The following PRMT8 variants were observed in gnomAD, a reference collection of about 807,000 sequenced individuals.
PRMT8 encodes the protein protein arginine N-methyltransferase 8.
Under a neutral mutation model 47.1 loss-of-function variants are expected in PRMT8, and 7 were observed. The ratio of observed to expected loss-of-function variants is 0.15; its 90% CI spans 0.08 to 0.28. PRMT8 has a LOEUF of 0.28. PRMT8 is among the 10% of genes least tolerant of loss of function. The pLI is 1.00. For synonymous variants in PRMT8, 188 were observed against 186.5 expected (o/e 1.01, Z -0.07); for missense variants, 237 against 505.4 (o/e 0.47, Z 5.09).
At chr12:3,488,511 T>A (rs984305569), upstream of PRMT8, among the ~76,000 whole-genome samples, 4 of 152,196 alleles carry the variant, frequency 2.6e-5, no homozygotes, top group African/African-American at 9.7e-5. Flanking sequence ...TTGCCTCCCA[T>A]GAAAATCTCC....
chr12:3,558,154 C>T (rs1866560396), intron 4 of PRMT8, among the ~76,000 whole-genome samples: 1 of 152,078 alleles, frequency 6.6e-6, no homozygotes, highest in Non-Finnish European at 1.5e-5. Context: ...CCTGAGGCAT[C>T]TCTGTCCTGC....
At chr12:3,421,143 T>G (rs1317193988) in intron 1 of PRMT8, among the ~76,000 whole-genome samples, 1 of 152,190 alleles carries the variant, frequency 6.6e-6, no homozygotes, top group Non-Finnish European at 1.5e-5. Context: ...AACATAATTG[T>G]TTTTTTAAAA....
rs548615854 is a variant in PRMT8, at chr12:3,580,865, T to C, written c.829-2193T>C. 5.3e-5 allele frequency among the ~76,000 whole-genome samples: 8 copies of C among 152,310 alleles called. No homozygotes were observed. Among genetic ancestry groups the C allele is most frequent in the African/African-American group, 1.7e-4 (7 of 41,580 alleles). ...AACAACAATACAGGCAACCAAGGCT[T>C]GTCCGAAGAGTTTTTGAGCTGGAGG... is the stretch of plus-strand genomic sequence containing the variant. On this transcript the variant is annotated intron_variant, in intron 7 of 9. Coordinates refer to ENST00000382622, the MANE Select transcript of PRMT8 (RefSeq NM_019854.5). This position sits in a 1 kb window ranked among gnomAD's most constrained non-coding sequence, Gnocchi z 4.6.
rs1346036158 is a variant in PRMT8, at chr12:3,447,475, A to G, written c.48+66033A>G. Among the ~76,000 whole-genome samples, 6 of 152,020 alleles carry G rather than the reference A, an allele frequency of 3.9e-5. No homozygotes were observed. In the East Asian group the frequency reaches 1.2e-3, roughly 29 times the overall value. On this transcript the variant is annotated intron_variant, in intron 1 of 9. Coordinates refer to the PRMT8 transcript ENST00000452611. ...TTTGCTTATGCTGTTCCCACAGCTG[A>G]GGCGCCCCCCTCTCCCGCAGTGCCT...
At chr12:3,433,418 T>C (rs896859826) in intron 1 of PRMT8, among the ~76,000 whole-genome samples, 2 of 152,214 alleles carry the variant, frequency 1.3e-5, no homozygotes, top group African/African-American at 4.8e-5. Flanking sequence ...TTCAGATACA[T>C]ACATTCAAAA....
upstream of PRMT8, among the ~76,000 whole-genome samples, chr12:3,490,712 A>AGAGAGAGG (rs1565420850): frequency 1.4e-5 from 2 of 140,648 alleles, no homozygotes; most frequent in Non-Finnish European, 3.2e-5. Flanking sequence ...AGAGAGAGAG[A>AGAGAGAGG]GAGAGAGAAA....
intron 1 of PRMT8, among the ~76,000 whole-genome samples, chr12:3,528,279 A>G (rs1219198020): frequency 2.0e-5 from 3 of 152,142 alleles, no homozygotes; most frequent in African/African-American, 7.2e-5. Context: ...AGGTGCTACA[A>G]TTACGTTCAT....
Position 3,416,957 on chromosome 12 carries a change from G to A in PRMT8, c.48+35515G>A, listed in dbSNP as rs535791341. On this transcript the variant is annotated intron_variant, in intron 1 of 9. Coordinates refer to the PRMT8 transcript ENST00000452611. ...ACAAACAGTATGTGAGATTTTTGGT[G>A]GCAAATAATGATAAGCCAATGTGCT... 2.0e-5 allele frequency among the ~76,000 whole-genome samples: 3 copies of A among 152,306 alleles called. No homozygotes were observed. In the South Asian group the frequency reaches 6.2e-4, roughly 32 times the overall value.
chr12:3,455,595 G>A (rs1414724876), intron 1 of PRMT8, among the ~76,000 whole-genome samples: 1 of 152,146 alleles, frequency 6.6e-6, no homozygotes, highest in Non-Finnish European at 1.5e-5. Flanking sequence ...CATGGAGGAG[G>A]CACCACGCTA....
intron 7 of PRMT8, among the ~76,000 whole-genome samples, chr12:3,578,189 T>C (rs1390133282): frequency 6.6e-6 from 1 of 152,304 alleles, no homozygotes; most frequent in Non-Finnish European, 1.5e-5. Context: ...CACAGCTCAC[T>C]GCAATCTCGA....
chr12:3,540,258 C>G (rs535559215), intron 1 of PRMT8, among the ~76,000 whole-genome samples: 1 of 152,194 alleles, frequency 6.6e-6, no homozygotes, highest in African/African-American at 2.4e-5. Flanking sequence ...TGCATCTTTC[C>G]CTTTATTGAA....
intron 4 of PRMT8, among the ~76,000 whole-genome samples, chr12:3,559,041 C>G (rs561565264): frequency 3.3e-5 from 5 of 152,158 alleles, no homozygotes; most frequent in Non-Finnish European, 7.4e-5. Flanking sequence ...GTCTATCTGT[C>G]CATCCATCCA....
chr12:3,384,737 G>A (rs1315256059), intron 1 of PRMT8, among the ~76,000 whole-genome samples: 2 of 152,200 alleles, frequency 1.3e-5, no homozygotes, highest in Admixed American at 6.5e-5. Flanking sequence ...AACCAGTCTC[G>A]CAAAGAGAAT....
chr12:3,593,032 AGAGAGTGGGGCTGTGGCTTCATACC>A lies in PRMT8; in HGVS notation c.1102-66_1102-42del. The stretch of plus-strand genomic sequence containing the variant: ...TGTGGTTCCAGGAGCAGGTGGTGCC[AGAGAGTGGGGCTGTGGCTTCATACC>A]CAGACGGCCGCCTGACCCTTCGCTC... On this transcript the variant is annotated intron_variant, in intron 9 of 9. Transcript: ENST00000382622. The surrounding 1 kb of genome is among the most constrained non-coding windows in gnomAD (Gnocchi z 4.8). The A allele has an allele frequency of 7.8e-7, 1 of 1,280,626 alleles. No homozygotes were observed. Among genetic ancestry groups the A allele is most frequent in the Non-Finnish European group, 1.1e-6 (1 of 882,280 alleles). 79.3% of individuals were successfully genotyped at this position (1,280,626 alleles called of 1,614,324 possible). A position where few individuals can be genotyped will look rare whatever the true frequency, so the allele number is the denominator to read the frequency against.
intron 1 of PRMT8, among the ~76,000 whole-genome samples, chr12:3,525,969 C>T (rs1865945188): frequency 6.6e-6 from 1 of 152,198 alleles, no homozygotes; most frequent in South Asian, 2.1e-4. Flanking sequence ...CACCACCCAT[C>T]TCCAGAACTC....
At position 3,552,562 on chromosome 12, in the gene PRMT8, TCA is replaced by T; in HGVS notation, c.418-1085_418-1084del. ...AGAGGGGGAGAAGAAGAGGAGGGAA[TCA>T]CACCCCACAGACAGTGCAGCCTGAA... On this transcript the variant is annotated intron_variant, in intron 3 of 9. Transcript: ENST00000382622. This position sits in a 1 kb window ranked among gnomAD's most constrained non-coding sequence, Gnocchi z 4.5. 3.0e-6 allele frequency: 1 copy of T among 333,750 alleles called. No individual in the cohort carries two copies. Among genetic ancestry groups the T allele is most frequent in the East Asian group, 8.2e-5 (1 of 12,148 alleles). The allele number at this position is 333,750 out of a possible 1,614,324, so 20.7% of individuals were successfully genotyped here.
rs1011485249 is a variant in PRMT8 at position 3,535,480 on chromosome 12, C to T, written c.76-5126C>T. On this transcript the variant is annotated intron_variant, in intron 1 of 9. Coordinates refer to ENST00000382622, the MANE Select transcript of PRMT8 (RefSeq NM_019854.5). This position sits in a 1 kb window ranked among gnomAD's most constrained non-coding sequence, Gnocchi z 4.7. ...ACCATATCAGGGAGGCAGACAACAT[C>T]GGGAGACCTCCAGCAAGTAACAGGG... Among the ~76,000 whole-genome samples the T allele has an allele frequency of 3.3e-5, 5 of 152,168 alleles. No homozygotes were observed. The highest frequency in any genetic ancestry group is 7.2e-5 in the African/African-American group (3 of 41,440).
chr12:3,430,093 G>T (rs1285446633), intron 1 of PRMT8, among the ~76,000 whole-genome samples: 4 of 152,224 alleles, frequency 2.6e-5, no homozygotes, highest in Non-Finnish European at 5.9e-5. Context: ...CTCTGAGTGA[G>T]CAGTTCCTGT....
At chr12:3,423,693 G>GT (rs1864568069) in intron 1 of PRMT8, among the ~76,000 whole-genome samples, 1 of 152,180 alleles carries the variant, frequency 6.6e-6, no homozygotes, top group African/African-American at 2.4e-5. Flanking sequence ...GGGCCATCCA[G>GT]TCCCAGTGGG....
Sources: gnomAD v4.1 joint callset for allele counts (sites outside exome capture counted in the v4.1 genomes callset) on GRCh38, gnomAD v4.1.1 for gene constraint, Gnocchi (gnomAD v3.1) non-coding constraint, MANE v1.5 for transcripts, NCBI Gene and HGNC (gene_info 2026-07-23, HGNC 2026-07-21) for gene names.